Variants in FOXN2 observed in about 807,000 individuals in gnomAD.
FOXN2 encodes the protein forkhead box N2, also known as forkhead box protein N2.
In FOXN2, 19 loss-of-function variants were observed where a neutral mutation model predicts 41.2. The observed-to-expected ratio is 0.46, with a 90% CI of 0.32 to 0.68. The LOEUF (loss-of-function observed/expected upper bound fraction) is 0.68. FOXN2 is among the 30% of genes least tolerant of loss of function. The pLI is 0.03. For missense variants in FOXN2, 587 were observed against 509.4 expected, an observed-to-expected ratio of 1.15 and a Z score of -1.47; for synonymous variants, 195 against 176.8, an observed-to-expected ratio of 1.10 and a Z score of -0.82.
At chr2:48,362,879 T>A (rs574101671) in intron 5 of FOXN2, among the ~76,000 whole-genome samples, 172 bp downstream of exon 5, 35 of 152,324 alleles carry the variant, frequency 2.3e-4, no homozygotes, top group African/African-American at 7.0e-4. Flanking sequence ...TACTGAAGTT[T>A]GTGGTGATGC....
At chr2:48,323,144 T>G (rs904866841) in intron 1 of FOXN2, among the ~76,000 whole-genome samples, 1 of 152,070 alleles carries the variant, frequency 6.6e-6, no homozygotes, top group Non-Finnish European at 1.5e-5. Flanking sequence ...TATTGGTGTA[T>G]CAATATTTTT....
At chr2:48,364,560 A>G (rs1572768919) in intron 5 of FOXN2, among the ~76,000 whole-genome samples, 1 of 151,962 alleles carries the variant, frequency 6.6e-6, no homozygotes, top group East Asian at 1.9e-4. Context: ...TCCCTTTTCC[A>G]TTTATTTTTA....
intron 2 of FOXN2, among the ~76,000 whole-genome samples, chr2:48,344,101 G>A (rs905277710): frequency 3.9e-5 from 6 of 152,080 alleles, no homozygotes; most frequent in Non-Finnish European, 7.4e-5. Context: ...ATTCTCATTC[G>A]TCATGTTTTT....
rs1341307809 is a variant in FOXN2 at position 48,378,188 on chromosome 2, G to GT, written c.*2752dup. Reference sequence around the variant, plus strand: ...TGTTTCTTGAATATATATTTTTGAAGTTTTTTTGTGCAATATATTACTAAA... The same window carrying GT: ...TGTTTCTTGAATATATATTTTTGAAGTTTTTTTTGTGCAATATATTACTAAA... On this transcript the variant is annotated 3_prime_UTR_variant, in exon 7 of 7. Transcript: ENST00000340553. The GT allele has an allele frequency of 1.3e-5, 2 of 151,990 alleles. No individual in the cohort carries two copies. Among genetic ancestry groups the GT allele is most frequent in the Non-Finnish European group, 3.0e-5 (2 of 67,784 alleles). The allele number at this position is 151,990 out of a possible 1,614,324, so 9.4% of individuals were successfully genotyped here.
chr2:48,334,035 G>C (rs967961468), intron 2 of FOXN2, among the ~76,000 whole-genome samples: 1 of 152,054 alleles, frequency 6.6e-6, no homozygotes, highest in African/African-American at 2.4e-5. Flanking sequence ...TGAGGACTAA[G>C]ATATGGAAGT....
At chr2:48,315,212 T>A (rs1668823643) in intron 1 of FOXN2, among the ~76,000 whole-genome samples, 1 of 151,972 alleles carries the variant, frequency 6.6e-6, no homozygotes, top group African/African-American at 2.4e-5. Context: ...TGGAATCTGC[T>A]GTTAGGGAAG....
At chr2:48,370,397 G>A (rs973060684) in intron 5 of FOXN2, among the ~76,000 whole-genome samples, 4 of 152,074 alleles carry the variant, frequency 2.6e-5, no homozygotes, top group Non-Finnish European at 5.9e-5. Flanking sequence ...CAAATCCTTT[G>A]TACTTGCTCT....
chr2:48,343,964 G>C (rs1670932420), intron 2 of FOXN2, among the ~76,000 whole-genome samples: 1 of 152,206 alleles, frequency 6.6e-6, no homozygotes, highest in Admixed American at 6.5e-5. Flanking sequence ...ATGGAAGATA[G>C]ATGGAGATTT....
At chr2:48,338,385 C>G (rs61405465) in intron 2 of FOXN2, among the ~76,000 whole-genome samples, 1 of 145,070 alleles carries the variant, frequency 6.9e-6, no homozygotes, top group African/African-American at 2.5e-5. Flanking sequence ...GTTCTCCTAA[C>G]AGGAAGGATG....
chr2:48,360,320 TTTAAAAAGA>T (rs1672088465), intron 4 of FOXN2, among the ~76,000 whole-genome samples: 1 of 152,100 alleles, frequency 6.6e-6, no homozygotes, highest in South Asian at 2.1e-4. Context: ...TTTTGAAAAA[TTTAAAAAGA>T]TTTTTAATAA....
intron 2 of FOXN2, among the ~76,000 whole-genome samples, chr2:48,335,679 A>G (rs1413195891): frequency 6.6e-6 from 1 of 152,218 alleles, no homozygotes; most frequent in Non-Finnish European, 1.5e-5. Flanking sequence ...TGACAATTAT[A>G]TAGGTGAATA....
chr2:48,324,763 T>C (rs543726994), intron 1 of FOXN2, among the ~76,000 whole-genome samples: 3 of 152,346 alleles, frequency 2.0e-5, no homozygotes, highest in African/African-American at 7.2e-5. Flanking sequence ...CTTTAGTGTT[T>C]ATGAAGTGAT....
At chr2:48,332,010 T>C (rs892857108) in intron 2 of FOXN2, among the ~76,000 whole-genome samples, 1 of 152,144 alleles carries the variant, frequency 6.6e-6, no homozygotes, top group Non-Finnish European at 1.5e-5. Flanking sequence ...ATCTCAAAAA[T>C]GGATGGAAAA....
intron 3 of FOXN2, among the ~76,000 whole-genome samples, chr2:48,358,266 G>A (rs1374855383): frequency 1.3e-5 from 2 of 151,542 alleles, no homozygotes; most frequent in African/African-American, 2.4e-5. Context: ...CCTTACGTAC[G>A]TCAGTTTCAG....
At chr2:48,365,425 T>C (rs1394231187) in intron 5 of FOXN2, among the ~76,000 whole-genome samples, 2 of 152,256 alleles carry the variant, frequency 1.3e-5, no homozygotes, top group Non-Finnish European at 2.9e-5. Context: ...CTGACACTTA[T>C]TCTCTAAAGC....
intron 2 of FOXN2, among the ~76,000 whole-genome samples, chr2:48,335,927 C>T (rs1384886038): frequency 2.6e-5 from 4 of 151,770 alleles, no homozygotes; most frequent in African/African-American, 9.7e-5. Flanking sequence ...CCTCGGGAGG[C>T]TGAGGCAGGA....
At chr2:48,324,531 A>G (rs1051140864) in intron 1 of FOXN2, among the ~76,000 whole-genome samples, 1 of 152,084 alleles carries the variant, frequency 6.6e-6, no homozygotes, top group Non-Finnish European at 1.5e-5. Context: ...ATGTAGTTTG[A>G]TTAAAATGAC....
intron 1 of FOXN2, among the ~76,000 whole-genome samples, chr2:48,317,340 T>C (rs923566406): frequency 7.3e-5 from 11 of 151,540 alleles, no homozygotes; most frequent in African/African-American, 2.4e-4. Flanking sequence ...TCCCAGCTAC[T>C]CGTGAGGCTG....
chr2:48,345,332 G>C (rs895515772), intron 2 of FOXN2, among the ~76,000 whole-genome samples: 12 of 152,158 alleles, frequency 7.9e-5, no homozygotes, highest in African/African-American at 2.9e-4. Flanking sequence ...AGATATGGGT[G>C]GTGGGGGTAG....
Sources: allele counts gnomAD v4.1 joint callset (sites outside exome capture counted in the v4.1 genomes callset), GRCh38; gene constraint gnomAD v4.1.1; transcripts MANE v1.5; gene names NCBI Gene and HGNC (gene_info 2026-07-23, HGNC 2026-07-21).